Variants in RBM12 observed in about 807,000 individuals in gnomAD.
RBM12 encodes RNA-binding protein 12.
RBM12 carries 24 observed loss-of-function variants against 37.2 expected under a neutral mutation model. The observed-to-expected ratio is 0.65, with a 90% CI of 0.47 to 0.91. The LOEUF (loss-of-function observed/expected upper bound fraction) is 0.91, where lower values mean the gene tolerates loss of function less well. Ranked by LOEUF, RBM12 falls within the 40% of genes least tolerant of loss-of-function variation. The pLI is 0.00. For missense variants in RBM12, 1,061 were observed against 1,183.2 expected, an observed-to-expected ratio of 0.90 and a Z score of 1.52; for synonymous variants, 420 against 425.2, an observed-to-expected ratio of 0.99 and a Z score of 0.15.
chr20:35,654,511 T>A lies in RBM12; in HGVS notation c.812A>T (p.Asn271Ile). ...GSGAPMNLNN[N>I]LNPMFLGPLN... ...CGGACCAAGAAACATAGGATTCAGATTATTGTTCAAATTCATAGGTGCTCC... is the reference window on the plus strand; with the variant it reads ...CGGACCAAGAAACATAGGATTCAGAATATTGTTCAAATTCATAGGTGCTCC... Residue 271 changes from asparagine (N) to isoleucine (I), a missense_variant, in exon 3 of 3, where the codon AAT becomes ATT. Around this residue, in one of 3 missense-constraint regions of RBM12, gnomAD observed 540 missense variants for 632.7 expected, o/e 0.85. Coordinates refer to ENST00000374114, the MANE Select transcript of RBM12 (RefSeq NM_006047.6). 1 of 1,614,174 alleles carries A rather than the reference T, an allele frequency of 6.2e-7. No individual in the cohort carries two copies. The highest frequency in any genetic ancestry group is 8.5e-7 in the Non-Finnish European group (1 of 1,180,036).
intron 1 of RBM12, among the ~76,000 whole-genome samples, chr20:35,661,417 T>C (rs996395654): frequency 2.6e-5 from 4 of 152,122 alleles, no homozygotes; most frequent in Non-Finnish European, 5.9e-5. Context: ...AAATAATAAC[T>C]AAACAATAAA....
Position 35,659,003 on chromosome 20 carries a change from C to T in RBM12, c.-96G>A, listed in dbSNP as rs1275951960. On this transcript the variant is annotated 5_prime_UTR_variant, in exon 2 of 3. Transcript: ENST00000374114. ...CAATCCTGTGGGCAACCAATTAAAA[C>T]CAACTTTTAGACTGCAATAGAGAAT... 2.8e-6 allele frequency: 2 copies of T among 717,086 alleles called. No individual in the cohort carries two copies. Among genetic ancestry groups the T allele is most frequent in the Non-Finnish European group, 5.2e-6 (2 of 385,004 alleles). 44.4% of individuals were successfully genotyped at this position (717,086 alleles called of 1,614,324 possible).
In RBM12 at chr20:35,654,171, A is replaced by C. The variant is rs2033738493; in HGVS notation, c.1152T>G (p.Ala384=). Residue 384 remains alanine, a synonymous_variant, in exon 3 of 3, where the codon GCT becomes GCG. Transcript: ENST00000374114. ...VSPATERQWV[A]AGGHITFKQN... is the part of the protein sequence containing the mutation. ...GCTTAAAAGTGATATGGCCTCCAGC[A>C]GCTACCCACTGTCTTTCTGTGGCAG... is the stretch of plus-strand genomic sequence containing the variant. The C allele has an allele frequency of 6.2e-7, 1 of 1,614,246 alleles. No homozygotes were observed. The highest frequency in any genetic ancestry group is 8.5e-7 in the Non-Finnish European group (1 of 1,180,038).
chr20:35,653,897 C>T lies in RBM12; in HGVS notation c.1426G>A (p.Val476Ile), dbSNP rs757453176. Residue 476 changes from valine to isoleucine, a missense_variant, in exon 3 of 3, where the codon GTA becomes ATA. Physicochemically the swap from Val to Ile is conservative, Grantham distance 29 (BLOSUM62 3). Coordinates refer to ENST00000374114, the MANE Select transcript of RBM12 (RefSeq NM_006047.6). ...PNGKATGEGFVEFRNEADYKA... is the reference protein window; with the variant it reads ...PNGKATGEGFIEFRNEADYKA... ...TAGTCAGCCTCATTTCTGAACTCTA[C>T]AAAGCCTTCGCCAGTTGCTTTCCCA... The T allele has an allele frequency of 1.2e-6, 2 of 1,614,184 alleles. No homozygotes were observed. Among genetic ancestry groups the T allele is most frequent in the South Asian group, 2.2e-5 (2 of 91,088 alleles).
Position 35,653,133 on chromosome 20 carries a change from T to C in RBM12, c.2190A>G (p.Ser730=). The C allele has an allele frequency of 6.2e-7, 1 of 1,613,718 alleles. No individual in the cohort carries two copies. The highest frequency in any genetic ancestry group is 8.5e-7 in the Non-Finnish European group (1 of 1,180,030). ...GAGGGATTGGTGGCCCAAAGGCATT[T>C]GATCCACCAAAATTACCAGGAAAGT... is the stretch of plus-strand genomic sequence containing the variant. ...PFNFPGNFGG[S]NAFGPPIPPP... is the part of the protein sequence containing the mutation. Residue 730 remains serine (S), a synonymous_variant, in exon 3 of 3, where the codon TCA becomes TCG. Coordinates refer to ENST00000374114, the MANE Select transcript of RBM12 (RefSeq NM_006047.6).
At chr20:35,663,807 T>C (rs1013856297) in intron 1 of RBM12, among the ~76,000 whole-genome samples, 2 of 152,152 alleles carry the variant, frequency 1.3e-5, no homozygotes, top group African/African-American at 4.8e-5. Flanking sequence ...ACCCCGTCAC[T>C]AACCTGTAGA....
rs1190047970 is a variant in RBM12, at chr20:35,654,855, T to C, written c.468A>G (p.Gly156=). The C allele has an allele frequency of 2.5e-6, 4 of 1,614,080 alleles. No individual in the cohort carries two copies. The highest frequency in any genetic ancestry group is 2.5e-6 in the Non-Finnish European group (3 of 1,180,032). The part of the protein sequence containing the change: ...NIQTFSTASV[G]TAPPNMGASF... ...AAGCCCCCATATTTGGAGGAGCTGT[T>C]CCTACGCTGGCTGTGGAAAATGTCT... is the stretch of plus-strand genomic sequence containing the variant. Residue 156 remains glycine (G), a synonymous_variant, in exon 3 of 3, where the codon GGA becomes GGG. Transcript: ENST00000374114.
chr20:35,650,879 C>A lies in RBM12; in HGVS notation c.*1645G>T, dbSNP rs1387930447. On this transcript the variant is annotated 3_prime_UTR_variant, in exon 3 of 3. Transcript: ENST00000374114. ...GGAAATACTTATTTTAAAAGACTGA[C>A]CCCTTTGTAACTACGCTGATTTGTA... 6.6e-6 allele frequency: 1 copy of A among 152,578 alleles called. No homozygotes were observed. Among genetic ancestry groups the A allele is most frequent in the Non-Finnish European group, 1.5e-5 (1 of 68,018 alleles). 9.5% of individuals were successfully genotyped at this position (152,578 alleles called of 1,614,324 possible). A position where few individuals can be genotyped will look rare whatever the true frequency, so the allele number is the denominator to read the frequency against.
chr20:35,653,352 C>A lies in RBM12; in HGVS notation c.1971G>T (p.Leu657=), dbSNP rs574350702. Residue 657 remains leucine, a synonymous_variant, in exon 3 of 3, where the codon CTG becomes CTT. Transcript: ENST00000374114. ...PAVPGMPNAG[L]PGVGLPSAGL... is the part of the protein sequence containing the mutation. ...CTGCACTGGGCAGTCCCACACCGGGCAGTCCCGCATTGGGCATTCCTGGAA... is the reference window on the plus strand; with the variant it reads ...CTGCACTGGGCAGTCCCACACCGGGAAGTCCCGCATTGGGCATTCCTGGAA... 4 of 1,614,142 alleles carry A rather than the reference C, an allele frequency of 2.5e-6. No individual in the cohort carries two copies. Among genetic ancestry groups the A allele is most frequent in the East Asian group, 2.2e-5 (1 of 44,884 alleles).
rs906831480 is a variant in RBM12, at chr20:35,650,639, A to G, written c.*1885T>C. On this transcript the variant is annotated 3_prime_UTR_variant, in exon 3 of 3. Coordinates refer to ENST00000374114, the MANE Select transcript of RBM12 (RefSeq NM_006047.6). Reference sequence around the variant, plus strand: ...GCAAATCTGTATTCATGAATTATCAAAAGACCCACAACATAGTCACCTCTT... The same window carrying G: ...GCAAATCTGTATTCATGAATTATCAGAAGACCCACAACATAGTCACCTCTT... 5 of 152,638 alleles carry G rather than the reference A, an allele frequency of 3.3e-5. No individual in the cohort carries two copies. Among genetic ancestry groups the G allele is most frequent in the African/African-American group, 9.6e-5 (4 of 41,456 alleles). The allele number at this position is 152,638 out of a possible 1,614,324, so 9.5% of individuals were successfully genotyped here.
chr20:35,652,623 G>A lies in RBM12; in HGVS notation c.2700C>T (p.Ala900=), dbSNP rs772518159. 8 of 1,613,972 alleles carry A rather than the reference G, an allele frequency of 5.0e-6. No homozygotes were observed. In the Admixed American group the frequency reaches 1.2e-4, roughly 24 times the overall value. ...CATCCCGAGACTCAAAGGCCACCAT[G>A]GCTTCACCTGTGGGCATACCTTTTT... ...YNEKGMPTGE[A]MVAFESRDEA... Residue 900 remains alanine, a synonymous_variant, in exon 3 of 3, where the codon GCC becomes GCT. Transcript: ENST00000374114.
intron 1 of RBM12, among the ~76,000 whole-genome samples, chr20:35,660,265 C>T (rs529790923): frequency 6.6e-6 from 1 of 152,048 alleles, no homozygotes; most frequent in African/African-American, 2.4e-5. Context: ...TGCAGTGGCG[C>T]GATCTAGGCT....
At chr20:35,658,186 G>C (rs1486452552) in intron 2 of RBM12, among the ~76,000 whole-genome samples, 2 of 152,200 alleles carry the variant, frequency 1.3e-5, no homozygotes, top group Non-Finnish European at 2.9e-5. Context: ...TTAAACAAGA[G>C]GGTTAGATTC....
rs751071000 is a variant in RBM12, at chr20:35,652,807, T to C, written c.2516A>G (p.His839Arg). Reference sequence around the variant, plus strand: ...TGCAAAGCCAGGGGGACCACCAATATGGATTGGGCCAGGGCCGGGGCCGGG... The same window carrying C: ...TGCAAAGCCAGGGGGACCACCAATACGGATTGGGCCAGGGCCGGGGCCGGG... ...PGPGPGPGPI[H>R]IGGPPGFASS... Residue 839 changes from histidine (H) to arginine (R), a missense_variant, in exon 3 of 3, where the codon CAT becomes CGT. Transcript: ENST00000374114. 5 of 1,605,416 alleles carry C rather than the reference T, an allele frequency of 3.1e-6. No individual in the cohort carries two copies. Among genetic ancestry groups the C allele is most frequent in the Non-Finnish European group, 4.3e-6 (5 of 1,176,102 alleles).
rs912805502 is a variant in RBM12 at position 35,649,873 on chromosome 20, A to G, written c.*2651T>C. 4 of 152,306 alleles carry G rather than the reference A, an allele frequency of 2.6e-5. No individual in the cohort carries two copies. Among genetic ancestry groups the G allele is most frequent in the Admixed American group, 1.3e-4 (2 of 15,274 alleles). 9.4% of individuals were successfully genotyped at this position (152,306 alleles called of 1,614,324 possible). On this transcript the variant is annotated 3_prime_UTR_variant, in exon 3 of 3. Coordinates refer to ENST00000374114, the MANE Select transcript of RBM12 (RefSeq NM_006047.6). ...AATAAAATTTACACATAAAATTGAA[A>G]ATATCATGATAGTGTTTACAAATGC...
chr20:35,659,848 CTTTTTA>C (rs1398038068), intron 1 of RBM12, among the ~76,000 whole-genome samples: 1 of 151,912 alleles, frequency 6.6e-6, no homozygotes, highest in Non-Finnish European at 1.5e-5. Context: ...TCATTTTTTG[CTTTTTA>C]TTTTTTTTCA....
chr20:35,658,476 C>T (rs1332778968), intron 2 of RBM12, among the ~76,000 whole-genome samples: 1 of 152,086 alleles, frequency 6.6e-6, no homozygotes, highest in Non-Finnish European at 1.5e-5. Context: ...TAAAAAACCA[C>T]ACCGGCCTGG....
At chr20:35,660,994 T>TGAAA (rs2034203248) in intron 1 of RBM12, among the ~76,000 whole-genome samples, 1 of 152,240 alleles carries the variant, frequency 6.6e-6, no homozygotes, top group Non-Finnish European at 1.5e-5. Flanking sequence ...AAGGCAAGGC[T>TGAAA]GAAAGGCCCA....
rs1278667648 is a variant in RBM12, at chr20:35,651,206, T to C, written c.*1318A>G. On this transcript the variant is annotated 3_prime_UTR_variant, in exon 3 of 3. Coordinates refer to ENST00000374114, the MANE Select transcript of RBM12 (RefSeq NM_006047.6). ...TGTGACACATCTTCAGAGCACTGAC[T>C]AGGGAAATCATAATTAGAGCCTTGT... 6.6e-6 allele frequency: 1 copy of C among 152,216 alleles called. No individual in the cohort carries two copies. Among genetic ancestry groups the C allele is most frequent in the South Asian group, 2.1e-4 (1 of 4,828 alleles). The allele number at this position is 152,216 out of a possible 1,614,324, so 9.4% of individuals were successfully genotyped here. A position where few individuals can be genotyped will look rare whatever the true frequency, so the allele number is the denominator to read the frequency against.
Sources: gnomAD v4.1 joint callset for allele counts (sites outside exome capture counted in the v4.1 genomes callset) on GRCh38, gnomAD v4.1.1 for gene constraint, gnomAD v4.1.1 regional missense constraint, MANE v1.5 for transcripts, NCBI Gene and HGNC (gene_info 2026-07-23, HGNC 2026-07-21) for gene names.